Variants in OSBPL1A observed in about 807,000 individuals in gnomAD.
OSBPL1A encodes oxysterol-binding protein-related protein 1.
A neutral mutation model predicts 137.1 loss-of-function variants in OSBPL1A; 80 were observed. The ratio of observed to expected loss-of-function variants is 0.58; its 90% confidence interval spans 0.49 to 0.70. The LOEUF (loss-of-function observed/expected upper bound fraction) is 0.70. OSBPL1A is among the 30% of genes least tolerant of loss of function. The pLI, the probability that OSBPL1A is intolerant of heterozygous loss-of-function variation, is 0.00. For missense variants in OSBPL1A, 970 were observed against 1,129.4 expected (o/e 0.86, Z 2.02); for synonymous variants, 365 against 389.7 (o/e 0.94, Z 0.75).
intron 4 of OSBPL1A, chr18:24,358,510 A>G (rs1371110872): frequency 4.3e-6 from 3 of 702,232 alleles, no homozygotes; most frequent in Non-Finnish European, 7.8e-6. Flanking sequence ...CTGAGAACAG[A>G]TCTAGAACAA....
At chr18:24,199,431 C>G (rs1348789353) in intron 17 of OSBPL1A, among the ~76,000 whole-genome samples, 1 of 152,018 alleles carries the variant, frequency 6.6e-6, no homozygotes, top group East Asian at 1.9e-4. Context: ...TCATCTTCCC[C>G]CTCCACAGCA....
At chr18:24,310,595 C>A (rs2090603420) in intron 13 of OSBPL1A, among the ~76,000 whole-genome samples, 1 of 137,242 alleles carries the variant, frequency 7.3e-6, no homozygotes, top group African/African-American at 2.8e-5. Context: ...GAGCAAGACT[C>A]CGTCTCAAAA....
At chr18:24,382,234 T>TA (rs549411882) in intron 1 of OSBPL1A, among the ~76,000 whole-genome samples, 399 of 117,698 alleles carry the variant, frequency 3.4e-3, no homozygotes, top group Middle Eastern at 4.4e-3. Context: ...ACGTCTCTAC[T>TA]AAAAAAAAAA....
At chr18:24,297,798 T>G (rs184452106) in intron 14 of OSBPL1A, among the ~76,000 whole-genome samples, 394 of 152,332 alleles carry the variant, frequency 2.6e-3, no homozygotes, top group African/African-American at 8.9e-3. Context: ...GAGACTTATT[T>G]TACAGCCTAT....
intron 17 of OSBPL1A, among the ~76,000 whole-genome samples, chr18:24,223,262 C>T (rs2087951264): frequency 6.6e-6 from 1 of 152,016 alleles, no homozygotes; most frequent in South Asian, 2.1e-4. Context: ...TAAAATTAAA[C>T]TTTTAAATTA....
chr18:24,173,702 C>T (rs1380074055), intron 21 of OSBPL1A, among the ~76,000 whole-genome samples: 2 of 152,220 alleles, frequency 1.3e-5, no homozygotes, highest in Non-Finnish European at 2.9e-5. Context: ...CGTGAGCCAC[C>T]GCTGCACCTT....
chr18:24,285,400 A>C (rs2090051269), intron 14 of OSBPL1A, among the ~76,000 whole-genome samples: 1 of 152,230 alleles, frequency 6.6e-6, no homozygotes, highest in Non-Finnish European at 1.5e-5. Flanking sequence ...CTTTAGTTTA[A>C]AAATGTGAAA....
At chr18:24,363,749 C>T (rs1163569186) in intron 4 of OSBPL1A, among the ~76,000 whole-genome samples, 1 of 152,048 alleles carries the variant, frequency 6.6e-6, no homozygotes, top group African/African-American at 2.4e-5. Context: ...TCAAGTGATC[C>T]TCCAACCTCA....
intron 17 of OSBPL1A, among the ~76,000 whole-genome samples, chr18:24,220,219 G>A (rs2087843540): frequency 6.6e-6 from 1 of 152,200 alleles, no homozygotes; most frequent in African/African-American, 2.4e-5. Flanking sequence ...TGGTGCCCTC[G>A]TCTGACCTAC....
intron 14 of OSBPL1A, among the ~76,000 whole-genome samples, chr18:24,303,154 C>G (rs974791753): frequency 3.9e-5 from 6 of 152,178 alleles, no homozygotes; most frequent in Non-Finnish European, 8.8e-5. Flanking sequence ...GCACGTGCCA[C>G]CACACCCGGC....
At chr18:24,350,006 T>C (rs997107356) in intron 4 of OSBPL1A, among the ~76,000 whole-genome samples, 25 of 152,200 alleles carry the variant, frequency 1.6e-4, no homozygotes, top group African/African-American at 5.1e-4. Context: ...AGGTAAACAG[T>C]AAAATTCTAG....
At chr18:24,395,588 C>T (rs1266333769) in intron 1 of OSBPL1A, among the ~76,000 whole-genome samples, 1 of 149,838 alleles carries the variant, frequency 6.7e-6, no homozygotes, top group Non-Finnish European at 1.5e-5. Context: ...TATCATTTCC[C>T]CTTGTTTTGA....
At chr18:24,193,000 G>A (rs1367814634) in intron 18 of OSBPL1A, among the ~76,000 whole-genome samples, 1 of 152,168 alleles carries the variant, frequency 6.6e-6, no homozygotes, top group African/African-American at 2.4e-5. Context: ...CAACAACAGA[G>A]AGCAGGAAGA....
intron 15 of OSBPL1A, among the ~76,000 whole-genome samples, chr18:24,247,259 G>A (rs973620621): frequency 6.6e-6 from 1 of 152,184 alleles, no homozygotes; most frequent in African/African-American, 2.4e-5. Context: ...GGAGGAAAAA[G>A]TGATTAACTG....
At chr18:24,345,673 G>A (rs1401400136) in intron 4 of OSBPL1A, among the ~76,000 whole-genome samples, 5 of 151,774 alleles carry the variant, frequency 3.3e-5, no homozygotes, top group Non-Finnish European at 7.4e-5. Flanking sequence ...GCAACAAAGC[G>A]AGACTCCATC....
At chr18:24,366,834 T>C in intron 4 of OSBPL1A, 58 bp downstream of exon 4, 1 of 1,515,778 alleles carries the variant, frequency 6.6e-7, no homozygotes, top group Non-Finnish European at 9.0e-7. Flanking sequence ...GAGAAAACAA[T>C]GGTAACTACT....
At chr18:24,330,485 C>CT (rs543591621) in intron 7 of OSBPL1A, among the ~76,000 whole-genome samples, 1,603 of 142,654 alleles carry the variant, frequency 0.011, 23 homozygotes, top group African/African-American at 0.033. Context: ...AGAGATAAAA[C>CT]TTTTTTTTTT....
At position 24,303,689 on chromosome 18, in the gene OSBPL1A, A is replaced by G. The variant is rs560187713; in HGVS notation, c.1122T>C (p.Asp374=). ...TTTTGAGAAAGTTGGAAATTTCCCT[A>G]TCTAGTCGCTGTTGGCATGACTGTG... ...EKAQSCQQRL[D]REISNFLKMI... Residue 374 remains aspartate, a synonymous_variant, in exon 14 of 28, where the codon GAT becomes GAC. Transcript: ENST00000319481. 9.3e-6 allele frequency: 15 copies of G among 1,613,524 alleles called. No homozygotes were observed. Among genetic ancestry groups the G allele is most frequent in the Non-Finnish European group, 1.2e-5 (14 of 1,179,788 alleles).
In OSBPL1A at chr18:24,175,108, GTATA is replaced by G. The variant is rs71163664; in HGVS notation, c.2094-2629_2094-2626del. ...TCATGTGCTTATTTGCCATGTGTAT[GTATA>G]TATATATATATATATATATATATAC... On this transcript the variant is annotated intron_variant, in intron 21 of 27. Coordinates refer to ENST00000319481, the MANE Select transcript of OSBPL1A (RefSeq NM_080597.4). 4.5e-4 allele frequency among the ~76,000 whole-genome samples: 50 copies of G among 111,488 alleles called. 1 individual carries two copies. The highest frequency in any genetic ancestry group is 4.7e-3 in the Middle Eastern group (1 of 212). The allele number at this position is 111,488 out of a possible 152,430, so 73.1% of individuals were successfully genotyped here.
Sources: allele counts gnomAD v4.1 joint callset (sites outside exome capture counted in the v4.1 genomes callset), GRCh38; gene constraint gnomAD v4.1.1; transcripts MANE v1.5; gene names NCBI Gene and HGNC (gene_info 2026-07-23, HGNC 2026-07-21).